Variants in SLC16A10 observed in about 807,000 individuals in gnomAD.
SLC16A10 encodes the protein monocarboxylate transporter 10.
Under a neutral mutation model 40.0 loss-of-function variants are expected in SLC16A10, and 27 were observed. The observed-to-expected ratio is 0.67, with a 90% CI of 0.50 to 0.93. The LOEUF (loss-of-function observed/expected upper bound fraction) is 0.93, where lower values mean the gene tolerates loss of function less well. Among genes scored for constraint, SLC16A10 ranks in the 40% least tolerant of loss-of-function variants. SLC16A10 has a pLI of 0.00. For missense variants in SLC16A10, 529 were observed against 658.2 expected (o/e 0.80, Z 2.15); for synonymous variants, 213 against 249.8 (o/e 0.85, Z 1.39).
At chr6:111,199,136 T>C (rs534561712) in intron 3 of SLC16A10, among the ~76,000 whole-genome samples, 2 of 152,180 alleles carry the variant, frequency 1.3e-5, no homozygotes, top group East Asian at 3.9e-4. Flanking sequence ...GTGCCAAGAA[T>C]GAAACTCCAA....
In SLC16A10 at chr6:111,177,500, AG is replaced by A. The variant is rs1203457814; in HGVS notation, c.778del (p.Asp260IlefsTer31). ...ACCGACCTCTTGCTACCAGTACCAAAGATAAAGAGAGTGGAGGTAGCGGATC... is the reference window on the plus strand; with the variant it reads ...ACCGACCTCTTGCTACCAGTACCAAAATAAAGAGAGTGGAGGTAGCGGATC... ...TYRPLATSTK[D>X]KESGGSGSSL... On this transcript the variant is annotated frameshift_variant, in exon 3 of 6. Coordinates refer to ENST00000368851, the MANE Select transcript of SLC16A10 (RefSeq NM_018593.5). LOFTEE classifies it high-confidence loss of function. The A allele has an allele frequency of 6.2e-7, 1 of 1,613,972 alleles. No homozygotes were observed. The highest frequency in any genetic ancestry group is 1.3e-5 in the African/African-American group (1 of 74,908).
intron 1 of SLC16A10, among the ~76,000 whole-genome samples, chr6:111,152,477 C>G (rs1362356032): frequency 6.6e-6 from 1 of 152,162 alleles, no homozygotes; most frequent in Non-Finnish European, 1.5e-5. Flanking sequence ...TCCTTAGCTC[C>G]ATTCTGTTCA....
chr6:111,122,626 T>G (rs1771604252), intron 1 of SLC16A10, among the ~76,000 whole-genome samples: 4 of 152,234 alleles, frequency 2.6e-5, no homozygotes, highest in African/African-American at 9.6e-5. Flanking sequence ...CGGGTTCTTA[T>G]GTTCAGCTCA....
At position 111,223,544 on chromosome 6, in the gene SLC16A10, T is replaced by C. The variant is rs1770940255; in HGVS notation, c.*1309T>C. On this transcript the variant is annotated 3_prime_UTR_variant, in exon 6 of 6. Coordinates refer to ENST00000368851, the MANE Select transcript of SLC16A10 (RefSeq NM_018593.5). ...TGTGAAGACATTCAGCAACTTACTT[T>C]GTCATACATGCAGTTGCACCTTACC... 6.6e-6 allele frequency: 1 copy of C among 152,192 alleles called. No homozygotes were observed. The highest frequency in any genetic ancestry group is 6.5e-5 in the Admixed American group (1 of 15,286). The allele number at this position is 152,192 out of a possible 1,614,324, so 9.4% of individuals were successfully genotyped here. A position where few individuals can be genotyped will look rare whatever the true frequency, so the allele number is the denominator to read the frequency against.
At chr6:111,123,777 C>T (rs1352266363) in intron 1 of SLC16A10, among the ~76,000 whole-genome samples, 1 of 152,104 alleles carries the variant, frequency 6.6e-6, no homozygotes, top group African/African-American at 2.4e-5. Context: ...CTTCTGTGAC[C>T]CTTGGCTCAA....
intron 2 of SLC16A10, 84 bp from the exon 3 acceptor site, chr6:111,177,128 C>T (rs1268021853): frequency 2.0e-6 from 2 of 977,220 alleles, no homozygotes; most frequent in African/African-American, 1.7e-5. Context: ...GAACAAAAAC[C>T]CACTTATACT....
rs1020717175 is a variant in SLC16A10 at position 111,163,314 on chromosome 6, G to A, written c.344-9381G>A. 7.4e-4 allele frequency among the ~76,000 whole-genome samples: 112 copies of A among 150,926 alleles called. 1 individual carries two copies. The highest frequency in any genetic ancestry group is 3.2e-3 in the Middle Eastern group (1 of 312). ...ACTACAGGCGCCCGCCACTACGCCC[G>A]GCTAATTTTTTGTATTTTTAGTAGA... is the stretch of plus-strand genomic sequence containing the variant. On this transcript the variant is annotated intron_variant, in intron 1 of 5. Coordinates refer to ENST00000368851, the MANE Select transcript of SLC16A10 (RefSeq NM_018593.5).
At chr6:111,215,410 G>C (rs1444024135) in intron 4 of SLC16A10, among the ~76,000 whole-genome samples, 3 of 80,842 alleles carry the variant, frequency 3.7e-5, no homozygotes, top group Non-Finnish European at 8.2e-5. Flanking sequence ...AGTGGTACTG[G>C]TGTTAAAAAA....
chr6:111,184,068 C>T (rs354528), intron 3 of SLC16A10, among the ~76,000 whole-genome samples: 115,580 of 152,050 alleles, frequency 0.76, 44,885 homozygotes, highest in Non-Finnish European at 0.85. Context: ...CTTTTCTCAT[C>T]GGCATGAAAT....
intron 1 of SLC16A10, among the ~76,000 whole-genome samples, chr6:111,097,629 T>G (rs577061840): frequency 1.3e-5 from 2 of 152,178 alleles, no homozygotes; most frequent in East Asian, 3.9e-4. Flanking sequence ...TTACTTTTAG[T>G]TATGTTGTGG....
intron 1 of SLC16A10, among the ~76,000 whole-genome samples, chr6:111,121,741 T>C (rs1771587841): frequency 1.3e-5 from 2 of 152,254 alleles, no homozygotes; most frequent in South Asian, 4.1e-4. Context: ...GCCAGATTCC[T>C]GGGCTTGTGT....
chr6:111,152,878 G>T (rs1489272590), intron 1 of SLC16A10, among the ~76,000 whole-genome samples: 5 of 152,200 alleles, frequency 3.3e-5, no homozygotes, highest in Non-Finnish European at 7.3e-5. Context: ...ACAATTTGAA[G>T]AATAGAAGAG....
chr6:111,182,310 CTTTTTTT>C (rs372963281), intron 3 of SLC16A10, among the ~76,000 whole-genome samples: 7 of 103,630 alleles, frequency 6.8e-5, no homozygotes, highest in African/African-American at 2.2e-4. Flanking sequence ...CTCTGGGTTT[CTTTTTTT>C]TTTTTTTTTT....
intron 1 of SLC16A10, among the ~76,000 whole-genome samples, chr6:111,122,860 A>ACTCTT (rs1771609016): frequency 6.6e-6 from 1 of 151,954 alleles, no homozygotes; most frequent in Admixed American, 6.5e-5. Context: ...GTTGGAGTTT[A>ACTCTT]CTCTTAGTTG....
At chr6:111,094,419 C>T (rs897368936) in intron 1 of SLC16A10, among the ~76,000 whole-genome samples, 2 of 152,178 alleles carry the variant, frequency 1.3e-5, no homozygotes, top group Non-Finnish European at 2.9e-5. Flanking sequence ...GCCCATTTGT[C>T]GGCATTCTTC....
rs1770989560 is a variant in SLC16A10 at position 111,092,304 on chromosome 6, C to CTTTTTTTGTTGTT, written c.343+4217_343+4229dup. Among the ~76,000 whole-genome samples the CTTTTTTTGTTGTT allele has an allele frequency of 2.3e-5, 3 of 132,346 alleles. 1 individual carries two copies. The South Asian group carries it at 6.9e-4, about 30-fold the overall frequency. The allele number at this position is 132,346 out of a possible 152,430, so 86.8% of individuals were successfully genotyped here. A position where few individuals can be genotyped will look rare whatever the true frequency, so the allele number is the denominator to read the frequency against. On this transcript the variant is annotated intron_variant, in intron 1 of 5. Coordinates refer to ENST00000368851, the MANE Select transcript of SLC16A10 (RefSeq NM_018593.5). The stretch of plus-strand genomic sequence containing the variant: ...GGAGCAAGCTAAGCTTGAGTTGTCT[C>CTTTTTTTGTTGTT]TTTTTTTGTTGTTTTTTTTTTTTTT...
intron 1 of SLC16A10, among the ~76,000 whole-genome samples, chr6:111,110,347 A>ATTTTTTTT (rs11383793): frequency 6.8e-6 from 1 of 146,418 alleles, no homozygotes. Flanking sequence ...GAGGGTAACA[A>ATTTTTTTT]TTTTTTTTTT....
chr6:111,212,412 G>T (rs1370960210), intron 4 of SLC16A10, among the ~76,000 whole-genome samples: 1 of 152,186 alleles, frequency 6.6e-6, no homozygotes, highest in African/African-American at 2.4e-5. Flanking sequence ...AAGAATTTAT[G>T]AATTTATCTC....
chr6:111,200,972 CA>C (rs1773158274), intron 3 of SLC16A10, among the ~76,000 whole-genome samples: 1 of 152,166 alleles, frequency 6.6e-6, no homozygotes. Context: ...TATTGGAAAG[CA>C]GGAAGTTGAA....
Sources: allele counts gnomAD v4.1 joint callset (sites outside exome capture counted in the v4.1 genomes callset), GRCh38; gene constraint gnomAD v4.1.1; transcripts MANE v1.5; gene names NCBI Gene and HGNC (gene_info 2026-07-23, HGNC 2026-07-21).